ZBTB20: variants seen among roughly 807,000 people sequenced by gnomAD.
ZBTB20 encodes zinc finger and BTB domain-containing protein 20.
In ZBTB20, 9 loss-of-function variants were observed where a neutral mutation model predicts 56.9. The observed-to-expected ratio is 0.16, with a 90% confidence interval of 0.10 to 0.28. The LOEUF (loss-of-function observed/expected upper bound fraction) is 0.28, where lower values mean the gene tolerates loss of function less well. ZBTB20 is among the 10% of genes least tolerant of loss of function. ZBTB20 has a pLI of 1.00. For missense variants in ZBTB20, 655 were observed against 1,003.0 expected, an observed-to-expected ratio of 0.65 and a Z score of 4.69; for synonymous variants, 417 against 420.7, an observed-to-expected ratio of 0.99 and a Z score of 0.11.
At chr3:114,626,374 G>A (rs2058660275) in intron 6 of ZBTB20, among the ~76,000 whole-genome samples, 1 of 152,142 alleles carries the variant, frequency 6.6e-6, no homozygotes, top group Non-Finnish European at 1.5e-5. Context: ...CTGAATCAAT[G>A]TTCATTAACC....
In ZBTB20 at chr3:114,367,449, G is replaced by C. The variant is rs192718289; in HGVS notation, c.199+12768C>G. ...CCCCGCTAACTGTTTTGTAGAGATG[G>C]GGTTTCACTATGTTGCTGAGGCTGG... On this transcript the variant is annotated intron_variant, in intron 10 of 11. Transcript: ENST00000675478. 5.6e-3 allele frequency among the ~76,000 whole-genome samples: 859 copies of C among 152,138 alleles called. 12 individuals are homozygous for C. The highest frequency in any genetic ancestry group is 0.02 in the African/African-American group (826 of 41,524).
intron 5 of ZBTB20, among the ~76,000 whole-genome samples, chr3:114,708,843 A>G (rs1333589231): frequency 6.6e-6 from 1 of 152,212 alleles, no homozygotes; most frequent in African/African-American, 2.4e-5. Context: ...GTTTCTGGGT[A>G]GAGAAATTAT....
At chr3:115,125,293 T>C (rs1466211170) in intron 1 of ZBTB20, among the ~76,000 whole-genome samples, 4 of 151,116 alleles carry the variant, frequency 2.6e-5, no homozygotes, top group Non-Finnish European at 5.9e-5. Flanking sequence ...GAGTGAACCA[T>C]GATTGTGTCA....
intron 1 of ZBTB20, among the ~76,000 whole-genome samples, chr3:115,098,240 T>C (rs1299505473): frequency 6.6e-6 from 1 of 152,128 alleles, no homozygotes; most frequent in Non-Finnish European, 1.5e-5. Context: ...ACTGTATGTG[T>C]GTACAGAAAA....
chr3:114,468,332 G>C (rs2092630379), intron 7 of ZBTB20, among the ~76,000 whole-genome samples: 1 of 152,166 alleles, frequency 6.6e-6, no homozygotes, highest in Non-Finnish European at 1.5e-5. Context: ...AAACCATTAG[G>C]TCAAAAGGGA....
chr3:114,838,484 A>G (rs919697035), intron 4 of ZBTB20, among the ~76,000 whole-genome samples: 1 of 152,124 alleles, frequency 6.6e-6, no homozygotes, highest in Non-Finnish European at 1.5e-5. Flanking sequence ...AATCTCCACA[A>G]TCATGAGGGC....
At chr3:114,811,852 A>ATAAG (rs1560277990) in intron 4 of ZBTB20, among the ~76,000 whole-genome samples, 1 of 126,758 alleles carries the variant, frequency 7.9e-6, no homozygotes, top group Non-Finnish European at 1.7e-5. Context: ...ACCTTGTTGT[A>ATAAG]TAAGTGTGTC....
chr3:115,139,624 T>C (rs1479559462), intron 1 of ZBTB20, among the ~76,000 whole-genome samples: 2 of 152,030 alleles, frequency 1.3e-5, no homozygotes, highest in African/African-American at 4.8e-5. Context: ...AATGTATACC[T>C]ATGTTTTGCT....
chr3:114,746,911 T>G (rs2067085633), intron 5 of ZBTB20, among the ~76,000 whole-genome samples: 1 of 152,212 alleles, frequency 6.6e-6, no homozygotes, highest in Non-Finnish European at 1.5e-5. Context: ...CATGCAAACG[T>G]TAAAATTCAC....
intron 7 of ZBTB20, among the ~76,000 whole-genome samples, chr3:114,498,777 A>G (rs888297229): frequency 2.0e-5 from 3 of 152,218 alleles, no homozygotes; most frequent in Admixed American, 6.5e-5. Flanking sequence ...GCATTTTCCT[A>G]TGAGCCAGAG....
intron 2 of ZBTB20, among the ~76,000 whole-genome samples, chr3:115,065,176 A>G (rs1035709795): frequency 9.2e-5 from 14 of 152,012 alleles, no homozygotes; most frequent in Non-Finnish European, 1.8e-4. Flanking sequence ...AATTTCTATC[A>G]TATAAAAGCT....
chr3:115,113,307 T>C (rs1027801251), intron 1 of ZBTB20, among the ~76,000 whole-genome samples: 6 of 152,254 alleles, frequency 3.9e-5, no homozygotes, highest in Non-Finnish European at 8.8e-5. Flanking sequence ...GACTTCGATT[T>C]ATTCACTAAA....
intron 2 of ZBTB20, among the ~76,000 whole-genome samples, chr3:115,028,959 A>C (rs1158304347): frequency 6.6e-6 from 1 of 150,660 alleles, no homozygotes; most frequent in Non-Finnish European, 1.5e-5. Context: ...TGGAAGCTCC[A>C]GCAATACCAC....
chr3:114,562,265 A>G (rs1225447826), intron 6 of ZBTB20, among the ~76,000 whole-genome samples: 1 of 151,914 alleles, frequency 6.6e-6, no homozygotes, highest in Non-Finnish European at 1.5e-5. Flanking sequence ...CCCAGGTTCA[A>G]GCGATTCTCC....
rs1314401332 is a variant in ZBTB20 at position 114,672,493 on chromosome 3, C to G, written c.-295+21035G>C. On this transcript the variant is annotated intron_variant, in intron 6 of 11. Transcript: ENST00000675478. ...ACAAGGTAGTTCTGAAACCAAGGAA[C>G]AAGCTGCCAAGGAACAGTCCAGCCC... is the stretch of plus-strand genomic sequence containing the variant. 2.6e-5 allele frequency among the ~76,000 whole-genome samples: 4 copies of G among 152,234 alleles called. No homozygotes were observed. The East Asian group carries it at 7.7e-4, about 29-fold the overall frequency.
chr3:114,368,924 G>A (rs2082703417), intron 10 of ZBTB20, among the ~76,000 whole-genome samples: 1 of 152,208 alleles, frequency 6.6e-6, no homozygotes, highest in African/African-American at 2.4e-5. Context: ...CCAGTCAGGT[G>A]TACCTATAAA....
chr3:114,704,907 C>T (rs1471056173), intron 5 of ZBTB20, among the ~76,000 whole-genome samples: 2 of 152,108 alleles, frequency 1.3e-5, no homozygotes, highest in African/African-American at 4.8e-5. Context: ...GCCACTCTTT[C>T]CCATTTTTCC....
intron 7 of ZBTB20, among the ~76,000 whole-genome samples, chr3:114,426,866 A>G (rs976159241): frequency 1.3e-5 from 2 of 152,250 alleles, no homozygotes; most frequent in Admixed American, 1.3e-4. Context: ...TTTTGATGGC[A>G]GCAAAATATG....
intron 3 of ZBTB20, among the ~76,000 whole-genome samples, chr3:114,965,276 C>T (rs747740520): frequency 2.0e-5 from 3 of 152,020 alleles, no homozygotes; most frequent in South Asian, 4.2e-4. Flanking sequence ...CTATTTTTAA[C>T]GCATGCCTTA....
Sources: gnomAD v4.1 joint callset for allele counts (sites outside exome capture counted in the v4.1 genomes callset) on GRCh38, gnomAD v4.1.1 for gene constraint, MANE v1.5 for transcripts, NCBI Gene and HGNC (gene_info 2026-07-23, HGNC 2026-07-21) for gene names.